The following B4GALNT2 variants were observed in gnomAD, a reference collection of about 807,000 sequenced individuals.
B4GALNT2 encodes N-acetylneuraminylgalactosylglucosyl-glucoside beta-1,4-N- acetylgalactosaminyltransferase 2.
A neutral mutation model predicts 51.1 loss-of-function variants in B4GALNT2; 42 were observed. The observed-to-expected ratio is 0.82, with a 90% CI of 0.64 to 1.06. B4GALNT2 has a LOEUF of 1.06. B4GALNT2 is among the 50% of genes least tolerant of loss of function. The pLI is 0.00. For missense variants in B4GALNT2, 602 were observed against 633.6 expected, an observed-to-expected ratio of 0.95 and a Z score of 0.54; for synonymous variants, 253 against 251.7, an observed-to-expected ratio of 1.01 and a Z score of -0.05.
At position 49,141,354 on chromosome 17, in the gene B4GALNT2, A is replaced by C; in HGVS notation, c.122A>C (p.Lys41Thr). The stretch of plus-strand genomic sequence containing the variant: ...CTTCAAGCAGTGTTCAGCAGCCCCA[A>C]GCCAGAACTCCCAAGTCCTGCCCCG... ...MFLQAVFSSP[K>T]PELPSPAPGV... Residue 41 changes from lysine (K) to threonine (T), a missense_variant, in exon 2 of 11, where the codon AAG becomes ACG. Transcript: ENST00000393354. The C allele has an allele frequency of 6.2e-7, 1 of 1,614,150 alleles. No homozygotes were observed. The highest frequency in any genetic ancestry group is 8.5e-7 in the Non-Finnish European group (1 of 1,180,024).
In B4GALNT2 at chr17:49,132,806, G is replaced by A; in HGVS notation, c.14G>A (p.Gly5Asp). 2 of 1,377,832 alleles carry A rather than the reference G, an allele frequency of 1.5e-6. No homozygotes were observed. The highest frequency in any genetic ancestry group is 1.9e-6 in the Non-Finnish European group (2 of 1,064,182). The allele number at this position is 1,377,832 out of a possible 1,614,324, so 85.4% of individuals were successfully genotyped here. A position where few individuals can be genotyped will look rare whatever the true frequency, so the allele number is the denominator to read the frequency against. ...GCGGGATTCGGGATGACTTCGGGCGGGTGAGTGTCCCCGGGGCAGAGCAGA... is the reference window on the plus strand; with the variant it reads ...GCGGGATTCGGGATGACTTCGGGCGAGTGAGTGTCCCCGGGGCAGAGCAGA... MTSG[G>D]SRFLWLLKIL... The change falls in exon 1 of 11, where the codon GGC (glycine) becomes GAC (aspartate). Residue 5 changes from glycine to aspartate, a missense_variant and splice_region_variant. By Grantham distance (94) the Gly-to-Asp change is moderately conservative. Transcript: ENST00000393354.
At chr17:49,146,096 G>T (rs905152002) in intron 3 of B4GALNT2, among the ~76,000 whole-genome samples, 4 of 152,040 alleles carry the variant, frequency 2.6e-5, no homozygotes, top group Non-Finnish European at 5.9e-5. Context: ...CTGGCCATGG[G>T]AGAATCAGTA....
At chr17:49,142,988 C>A (rs752118392) in intron 3 of B4GALNT2, among the ~76,000 whole-genome samples, 7 of 152,192 alleles carry the variant, frequency 4.6e-5, no homozygotes, top group Non-Finnish European at 7.4e-5. Flanking sequence ...GTGGCTCACG[C>A]CTGTAATCCC....
rs371286483 is a variant in B4GALNT2 at position 49,133,755 on chromosome 17, A to G, written c.14+949A>G. ...TGGTGAAACCCCGTCTCTACTAAAA[A>G]TACAAAAATTAGCCGGGTGTGGTGG... is the stretch of plus-strand genomic sequence containing the variant. On this transcript the variant is annotated intron_variant, in intron 1 of 10. Coordinates refer to ENST00000393354, the MANE Select transcript of B4GALNT2 (RefSeq NM_001159387.2). 1.2e-3 allele frequency among the ~76,000 whole-genome samples: 178 copies of G among 152,234 alleles called. 1 individual carries two copies. Among genetic ancestry groups the G allele is most frequent in the African/African-American group, 4.1e-3 (171 of 41,548 alleles).
chr17:49,138,908 A>T (rs183216117), intron 1 of B4GALNT2, among the ~76,000 whole-genome samples: 1 of 152,282 alleles, frequency 6.6e-6, no homozygotes, highest in Admixed American at 6.5e-5. Flanking sequence ...AACAAAAGAA[A>T]AACAAAAAAT....
chr17:49,120,498 G>C, the B4GALNT2 span, among the ~76,000 whole-genome samples: 1 of 151,422 alleles, frequency 6.6e-6, no homozygotes, highest in Admixed American at 6.6e-5. Context: ...GTGTGTGTGT[G>C]TGTGTGTGTG....
At chr17:49,152,978 C>T (rs780329721) in intron 4 of B4GALNT2, 72 bp downstream of exon 4, 93 of 1,361,590 alleles carry the variant, frequency 6.8e-5, no homozygotes, top group Non-Finnish European at 8.5e-5. Context: ...AGGGAGAGGT[C>T]GGGTGCAGTG....
intron 9 of B4GALNT2, 121 bp from the exon 10 acceptor site, chr17:49,168,560 G>A: frequency 1.0e-6 from 1 of 995,840 alleles, no homozygotes; most frequent in Non-Finnish European, 1.5e-6. Flanking sequence ...ATAATTTGAA[G>A]GATAGACAGA....
At chr17:49,148,459 G>C (rs1432308321) in intron 3 of B4GALNT2, 1 of 295,192 alleles carries the variant, frequency 3.4e-6, no homozygotes, top group African/African-American at 2.3e-5. Flanking sequence ...CCACTTGTGG[G>C]TCTTGCAGGT....
At chr17:49,166,798 C>T (rs1464664940) in intron 9 of B4GALNT2, among the ~76,000 whole-genome samples, 3 of 152,000 alleles carry the variant, frequency 2.0e-5, no homozygotes, top group Admixed American at 2.0e-4. Context: ...AAAACCTCAT[C>T]TGTATAAAGA....
chr17:49,169,053 G>A (rs1351673282), intron 10 of B4GALNT2, among the ~76,000 whole-genome samples, 153 bp downstream of exon 10: 1 of 151,966 alleles, frequency 6.6e-6, no homozygotes, highest in African/African-American at 2.4e-5. Context: ...CCCAGACTAG[G>A]GAGCTCTTGA....
At chr17:49,147,966 TTA>T (rs140831657) in intron 3 of B4GALNT2, among the ~76,000 whole-genome samples, 170 of 147,630 alleles carry the variant, frequency 1.2e-3, no homozygotes, top group Non-Finnish European at 1.5e-3. Flanking sequence ...TTTTATTCAA[TTA>T]TATATATATA....
intron 3 of B4GALNT2, chr17:49,148,595 A>C: frequency 4.3e-6 from 2 of 466,240 alleles, no homozygotes; most frequent in Non-Finnish European, 4.2e-6. Flanking sequence ...CCTTGTTGGT[A>C]AGGTACGCGT....
chr17:49,153,780 C>T lies in B4GALNT2; in HGVS notation c.460+874C>T, dbSNP rs138819031. Among the ~76,000 whole-genome samples the T allele has an allele frequency of 5.9e-3, 885 of 151,054 alleles. 9 individuals carry two copies. The highest frequency in any genetic ancestry group is 0.019 in the African/African-American group (791 of 41,166). ...ACCTCGGCCTCCCAAAGTGCTGGGACTACAGGCATGAGCCACCGCGCCTGG... is the reference window on the plus strand; with the variant it reads ...ACCTCGGCCTCCCAAAGTGCTGGGATTACAGGCATGAGCCACCGCGCCTGG... On this transcript the variant is annotated intron_variant, in intron 4 of 10. Transcript: ENST00000393354.
chr17:49,159,291 TCCTTC>T, intron 6 of B4GALNT2, 74 bp downstream of exon 6: 1 of 1,453,472 alleles, frequency 6.9e-7, no homozygotes, highest in Non-Finnish European at 9.4e-7. Flanking sequence ...AAAGTCTTCC[TCCTTC>T]AGGAAGCCTT....
At chr17:49,127,249 T>G in the B4GALNT2 span, among the ~76,000 whole-genome samples, 1 of 152,238 alleles carries the variant, frequency 6.6e-6, no homozygotes, top group African/African-American at 2.4e-5. Context: ...CTATCTTTAT[T>G]AAACCAATAT....
At chr17:49,160,669 G>C in intron 7 of B4GALNT2, 28 bp downstream of exon 7, 1 of 1,580,444 alleles carries the variant, frequency 6.3e-7, no homozygotes, top group East Asian at 2.2e-5. Flanking sequence ...GGGGCTCCGT[G>C]GTGGCAACCC....
rs1187173986 is a variant in B4GALNT2 at position 49,170,660 on chromosome 17, G to A, written c.*932G>A. 1 of 152,266 alleles carries A rather than the reference G, an allele frequency of 6.6e-6. No homozygotes were observed. The highest frequency in any genetic ancestry group is 1.9e-4 in the East Asian group (1 of 5,202). The allele number at this position is 152,266 out of a possible 1,614,324, so 9.4% of individuals were successfully genotyped here. ...GTTGGCAGATTGCCGAGACCAGCTTGGTCATGGAGACCCTAACCCAGTGGT... is the reference window on the plus strand; with the variant it reads ...GTTGGCAGATTGCCGAGACCAGCTTAGTCATGGAGACCCTAACCCAGTGGT... On this transcript the variant is annotated 3_prime_UTR_variant, in exon 11 of 11. Coordinates refer to ENST00000393354, the MANE Select transcript of B4GALNT2 (RefSeq NM_001159387.2).
chr17:49,121,848 CTT>C, the B4GALNT2 span, among the ~76,000 whole-genome samples: 1 of 152,168 alleles, frequency 6.6e-6, no homozygotes, highest in Non-Finnish European at 1.5e-5. Flanking sequence ...ACAGCCATCT[CTT>C]CTTTAGTCCT....
Sources: gnomAD v4.1 joint callset for allele counts (sites outside exome capture counted in the v4.1 genomes callset) on GRCh38, gnomAD v4.1.1 for gene constraint, MANE v1.5 for transcripts, NCBI Gene and HGNC (gene_info 2026-07-23, HGNC 2026-07-21) for gene names.